Variants in FIG4 observed in about 807,000 individuals in gnomAD.
FIG4 encodes the protein polyphosphoinositide phosphatase.
A neutral mutation model predicts 118.6 loss-of-function variants in FIG4; 112 were observed. The observed-to-expected ratio is 0.94, with a 90% CI of 0.81 to 1.11. The LOEUF (loss-of-function observed/expected upper bound fraction) is 1.11, where lower values mean the gene tolerates loss of function less well. FIG4 is among the 50% of genes least tolerant of loss of function. FIG4 has a pLI of 0.00. For missense variants in FIG4, 969 were observed against 1,111.7 expected (o/e 0.87, Z 1.83); for synonymous variants, 369 against 381.2 (o/e 0.97, Z 0.37).
At chr6:109,749,632 GT>G (rs1363863558) in intron 10 of FIG4, among the ~76,000 whole-genome samples, 12 of 43,674 alleles carry the variant, frequency 2.7e-4, no homozygotes, top group Admixed American at 1.6e-3. Flanking sequence ...GTAAGTTCAT[GT>G]TTTACAGAGT....
chr6:109,744,298 C>T lies in FIG4; in HGVS notation c.1137+526C>T, dbSNP rs142913715. Reference sequence around the variant, plus strand: ...ACAAGGTGGTATTAGCCTCATAGTTCCCTGCTTTCTTGGCAGAGTACACTG... The same window carrying T: ...ACAAGGTGGTATTAGCCTCATAGTTTCCTGCTTTCTTGGCAGAGTACACTG... On this transcript the variant is annotated intron_variant, in intron 10 of 22. Coordinates refer to ENST00000230124, the MANE Select transcript of FIG4 (RefSeq NM_014845.6). 8.1e-4 allele frequency among the ~76,000 whole-genome samples: 124 copies of T among 152,196 alleles called. 1 individual carries two copies. Among genetic ancestry groups the T allele is most frequent in the Non-Finnish European group, 1.3e-3 (87 of 68,008 alleles).
At chr6:109,754,940 G>A in intron 10 of FIG4, among the ~76,000 whole-genome samples, 1 of 151,870 alleles carries the variant, frequency 6.6e-6, no homozygotes, top group Non-Finnish European at 1.5e-5. Flanking sequence ...ATTTCCTTCA[G>A]TTCTGCTCTG....
At chr6:109,725,679 C>T (rs1449710981) in intron 3 of FIG4, among the ~76,000 whole-genome samples, 1 of 152,196 alleles carries the variant, frequency 6.6e-6, no homozygotes, top group African/African-American at 2.4e-5. Context: ...GGAATCACCA[C>T]ACTGTCTTCC....
In FIG4 at chr6:109,825,252, A is replaced by G; in HGVS notation, c.2711A>G (p.Asn904Ser). 1 of 1,614,110 alleles carries G rather than the reference A, an allele frequency of 6.2e-7. No homozygotes were observed. Among genetic ancestry groups the G allele is most frequent in the Non-Finnish European group, 8.5e-7 (1 of 1,179,980 alleles). Residue 904 changes from asparagine to serine, a missense_variant, in exon 23 of 23, where the codon AAC (asparagine) becomes AGC (serine). Coordinates refer to ENST00000230124, the MANE Select transcript of FIG4 (RefSeq NM_014845.6). ...DSSMYREYIR[N>S]RYL ...TCCATGTACCGAGAGTACATCAGGA[A>G]CCGCTACCTGTGAAAAGAGCGCAGG...
At chr6:109,748,692 A>G (rs1776583758) in intron 10 of FIG4, among the ~76,000 whole-genome samples, 1 of 152,200 alleles carries the variant, frequency 6.6e-6, no homozygotes, top group Non-Finnish European at 1.5e-5. Flanking sequence ...ATGGACTCAC[A>G]GTTCCACGTG....
At chr6:109,745,183 T>C (rs1041031423) in intron 10 of FIG4, among the ~76,000 whole-genome samples, 9 of 152,140 alleles carry the variant, frequency 5.9e-5, no homozygotes, top group Non-Finnish European at 1.0e-4. Context: ...GGTCAAATGG[T>C]ATTTCTAGTT....
At chr6:109,694,635 A>G (rs1400801840) in intron 1 of FIG4, among the ~76,000 whole-genome samples, 1 of 152,210 alleles carries the variant, frequency 6.6e-6, no homozygotes, top group Non-Finnish European at 1.5e-5. Context: ...GAAACAATCA[A>G]CAGAGTGAAG....
chr6:109,748,250 T>C (rs535210536), intron 10 of FIG4, among the ~76,000 whole-genome samples: 1 of 152,242 alleles, frequency 6.6e-6, no homozygotes, highest in Admixed American at 6.5e-5. Flanking sequence ...TGAATGAGTA[T>C]AAGCACAGGT....
chr6:109,759,667 G>A (rs1248917304), intron 10 of FIG4, among the ~76,000 whole-genome samples: 1 of 152,176 alleles, frequency 6.6e-6, no homozygotes, highest in African/African-American at 2.4e-5. Flanking sequence ...GATGCCCCAG[G>A]CAAGGAGGCA....
intron 19 of FIG4, among the ~76,000 whole-genome samples, chr6:109,790,953 C>T (rs189180888): frequency 1.5e-4 from 23 of 152,124 alleles, no homozygotes; most frequent in Admixed American, 3.9e-4. Context: ...AATTTATAGG[C>T]GGGAGAGAAA....
chr6:109,701,561 A>G (rs1180990201), intron 1 of FIG4, among the ~76,000 whole-genome samples: 1 of 152,220 alleles, frequency 6.6e-6, no homozygotes, highest in Non-Finnish European at 1.5e-5. Context: ...TCTATTTAGC[A>G]GGGGACGGGG....
At chr6:109,756,756 G>A (rs958876889) in intron 10 of FIG4, among the ~76,000 whole-genome samples, 4 of 152,016 alleles carry the variant, frequency 2.6e-5, no homozygotes, top group African/African-American at 4.8e-5. Flanking sequence ...CATTCTTGAC[G>A]TAGTTCTCAA....
chr6:109,752,652 T>A (rs1194418938), intron 10 of FIG4, among the ~76,000 whole-genome samples: 2 of 152,246 alleles, frequency 1.3e-5, no homozygotes, highest in Admixed American at 6.5e-5. Context: ...GAGAAGTGTC[T>A]GTTCATATCC....
At chr6:109,759,289 G>T (rs530243539) in intron 10 of FIG4, among the ~76,000 whole-genome samples, 3 of 151,370 alleles carry the variant, frequency 2.0e-5, no homozygotes, top group African/African-American at 7.3e-5. Context: ...AGTTCATGTC[G>T]TTGAGAGTGA....
chr6:109,691,539 T>G (rs773216511), intron 1 of FIG4, 38 bp downstream of exon 1: 2 of 1,518,262 alleles, frequency 1.3e-6, no homozygotes, highest in Non-Finnish European at 1.8e-6. Context: ...GGCGGGAGGA[T>G]GGATGTCTGC....
chr6:109,717,008 CTTT>C (rs58004392), intron 3 of FIG4, among the ~76,000 whole-genome samples: 18 of 138,206 alleles, frequency 1.3e-4, no homozygotes, highest in Admixed American at 4.4e-4. Flanking sequence ...TGGATGACTG[CTTT>C]TTTTTTTTTT....
chr6:109,820,861 C>A (rs1330826974), intron 22 of FIG4, among the ~76,000 whole-genome samples: 2 of 152,062 alleles, frequency 1.3e-5, no homozygotes, highest in Non-Finnish European at 2.9e-5. Context: ...TGGAAGTAAA[C>A]CCCCCACAGC....
intron 15 of FIG4, among the ~76,000 whole-genome samples, chr6:109,770,473 G>C (rs1777425619): frequency 6.6e-6 from 1 of 152,164 alleles, no homozygotes; most frequent in Admixed American, 6.5e-5. Context: ...GGGATCTAAA[G>C]AGAAAAGCTC....
chr6:109,763,912 TAA>T, intron 12 of FIG4, 23 bp from the exon 13 acceptor site: 1 of 1,569,360 alleles, frequency 6.4e-7, no homozygotes, highest in East Asian at 2.2e-5. Flanking sequence ...TTAAGTTTTT[TAA>T]AAGTGTTTAT....
Sources: gnomAD v4.1 joint callset for allele counts (sites outside exome capture counted in the v4.1 genomes callset) on GRCh38, gnomAD v4.1.1 for gene constraint, MANE v1.5 for transcripts, NCBI Gene and HGNC (gene_info 2026-07-23, HGNC 2026-07-21) for gene names.